Variants in FANCC observed in about 807,000 individuals in gnomAD.
FANCC encodes Fanconi anemia group C protein.
In FANCC, 55 loss-of-function variants were observed where a neutral mutation model predicts 71.3. The ratio of observed to expected loss-of-function variants is 0.77; its 90% CI spans 0.62 to 0.97. The LOEUF (loss-of-function observed/expected upper bound fraction) is 0.97, where lower values mean the gene tolerates loss of function less well. Ranked by LOEUF, FANCC falls within the 50% of genes least tolerant of loss-of-function variation. The pLI, the probability that FANCC is intolerant of heterozygous loss-of-function variation, is 0.00. For synonymous variants in FANCC, 275 were observed against 244.9 expected, an observed-to-expected ratio of 1.12 and a Z score of -1.15; for missense variants, 678 against 670.9, an observed-to-expected ratio of 1.01 and a Z score of -0.12.
In FANCC at chr9:95,285,436, A is replaced by T. The variant is rs765098160; in HGVS notation, c.-79+32090T>A. ...ATAATAATGCCAATAATAGATGTGAATAAACAATATACATATCAAGAAACA... is the reference window on the plus strand; with the variant it reads ...ATAATAATGCCAATAATAGATGTGATTAAACAATATACATATCAAGAAACA... On this transcript the variant is annotated intron_variant, in intron 1 of 14. Coordinates refer to ENST00000289081, the MANE Select transcript of FANCC (RefSeq NM_000136.3). Among the ~76,000 whole-genome samples, 31 of 152,242 alleles carry T rather than the reference A, an allele frequency of 2.0e-4. 1 individual carries two copies. The highest frequency in any genetic ancestry group is 4.4e-4 in the Non-Finnish European group (30 of 68,036).
chr9:95,267,524 C>G (rs1224687108), intron 1 of FANCC, among the ~76,000 whole-genome samples: 1 of 152,026 alleles, frequency 6.6e-6, no homozygotes, highest in East Asian at 1.9e-4. Flanking sequence ...AAACCTCATT[C>G]AAAACATGTC....
At chr9:95,253,453 A>G (rs1275483025) in intron 1 of FANCC, among the ~76,000 whole-genome samples, 1 of 152,196 alleles carries the variant, frequency 6.6e-6, no homozygotes, top group African/African-American at 2.4e-5. Flanking sequence ...AACATTTTAA[A>G]TCAATATTTT....
chr9:95,277,153 A>C (rs1833091013), intron 1 of FANCC, among the ~76,000 whole-genome samples: 1 of 152,214 alleles, frequency 6.6e-6, no homozygotes, highest in South Asian at 2.1e-4. Context: ...TGATTCAGAC[A>C]ATTCTGATGT....
intron 7 of FANCC, among the ~76,000 whole-genome samples, chr9:95,149,111 TA>T (rs1362968789): frequency 6.6e-6 from 1 of 152,170 alleles, no homozygotes; most frequent in African/African-American, 2.4e-5. Flanking sequence ...TTGCTTTTCA[TA>T]AAAATAAGCT....
intron 4 of FANCC, among the ~76,000 whole-genome samples, chr9:95,173,114 G>A (rs1242280507): frequency 6.6e-6 from 1 of 152,270 alleles, no homozygotes; most frequent in South Asian, 2.1e-4. Flanking sequence ...AAAGGGTAGG[G>A]TAAAACACCT....
At chr9:95,162,517 T>A (rs1306837209) in intron 6 of FANCC, among the ~76,000 whole-genome samples, 1 of 152,206 alleles carries the variant, frequency 6.6e-6, no homozygotes, top group East Asian at 1.9e-4. Context: ...TTTAATTTTT[T>A]AAGGAAACTC....
At chr9:95,130,938 T>C (rs952651720) in intron 8 of FANCC, among the ~76,000 whole-genome samples, 1 of 152,226 alleles carries the variant, frequency 6.6e-6, no homozygotes, top group African/African-American at 2.4e-5. Context: ...GCCATTTGCT[T>C]CTTTTCTATT....
chr9:95,229,507 G>C (rs1315531564), intron 4 of FANCC, among the ~76,000 whole-genome samples: 3 of 152,158 alleles, frequency 2.0e-5, no homozygotes, highest in African/African-American at 7.2e-5. Flanking sequence ...GGGAGAGTAA[G>C]AGCAGCCAAG....
chr9:95,277,448 C>T (rs1468498523), intron 1 of FANCC, among the ~76,000 whole-genome samples: 3 of 152,294 alleles, frequency 2.0e-5, no homozygotes, highest in Admixed American at 6.5e-5. Flanking sequence ...ATAATATATA[C>T]ATGTGTTGAA....
At chr9:95,267,485 A>G (rs534547796) in intron 1 of FANCC, among the ~76,000 whole-genome samples, 4 of 152,350 alleles carry the variant, frequency 2.6e-5, no homozygotes, top group African/African-American at 9.6e-5. Flanking sequence ...AAAGAGGCGA[A>G]AAATGACTGA....
intron 3 of FANCC, 45 bp from the exon 4 acceptor site, chr9:95,240,788 C>A (rs1404632392): frequency 8.7e-7 from 1 of 1,146,512 alleles, no homozygotes; most frequent in East Asian, 2.4e-5. Flanking sequence ...CAGAAAAAAT[C>A]ATTAATATAA....
chr9:95,171,989 C>A (rs1825709220), intron 5 of FANCC, 48 bp downstream of exon 5: 2 of 1,102,400 alleles, frequency 1.8e-6, no homozygotes, highest in East Asian at 4.8e-5. Context: ...TTGCTGATGG[C>A]ACATTCAGCA....
intron 1 of FANCC, among the ~76,000 whole-genome samples, chr9:95,286,342 G>A (rs544922748): frequency 1.4e-4 from 21 of 152,286 alleles, no homozygotes; most frequent in Admixed American, 4.6e-4. Context: ...GTCAGTGACT[G>A]TATCCTAGGC....
intron 7 of FANCC, among the ~76,000 whole-genome samples, chr9:95,147,535 A>T (rs1829729455): frequency 6.6e-6 from 1 of 152,210 alleles, no homozygotes; most frequent in Admixed American, 6.5e-5. Flanking sequence ...AAAGAAAAGA[A>T]AAGATGAAAC....
intron 4 of FANCC, among the ~76,000 whole-genome samples, chr9:95,175,352 A>C (rs1196973673): frequency 6.6e-6 from 1 of 152,238 alleles, no homozygotes; most frequent in Non-Finnish European, 1.5e-5. Context: ...ATTTACAAAA[A>C]AATGAATCCA....
intron 13 of FANCC, among the ~76,000 whole-genome samples, chr9:95,107,984 C>A (rs1311053657): frequency 6.6e-6 from 1 of 152,166 alleles, no homozygotes; most frequent in African/African-American, 2.4e-5. Context: ...TACACCCAGT[C>A]GTGACTTGGA....
chr9:95,308,034 C>T (rs1835165226), intron 1 of FANCC, among the ~76,000 whole-genome samples: 1 of 152,176 alleles, frequency 6.6e-6, no homozygotes, highest in Admixed American at 6.5e-5. Flanking sequence ...TCAATCCATT[C>T]ATGTACATCA....
intron 6 of FANCC, among the ~76,000 whole-genome samples, chr9:95,163,743 G>A (rs113173837): frequency 0.011 from 1,722 of 152,272 alleles, 31 homozygotes; most frequent in African/African-American, 0.039. Flanking sequence ...CAGCTACTCG[G>A]GAGGCTGAGG....
intron 1 of FANCC, among the ~76,000 whole-genome samples, chr9:95,254,178 T>C (rs1007825822): frequency 6.6e-6 from 1 of 152,050 alleles, no homozygotes; most frequent in Non-Finnish European, 1.5e-5. Context: ...TGGCAATGAC[T>C]ATCTATCCAC....
Sources: gnomAD v4.1 joint callset for allele counts (sites outside exome capture counted in the v4.1 genomes callset) on GRCh38, gnomAD v4.1.1 for gene constraint, MANE v1.5 for transcripts, NCBI Gene and HGNC (gene_info 2026-07-23, HGNC 2026-07-21) for gene names.